The following ANKRD17 variants were observed in gnomAD, a reference collection of about 807,000 sequenced individuals.
The protein encoded by ANKRD17 is ankyrin repeat domain-containing protein 17.
In ANKRD17, 19 loss-of-function variants were observed where a neutral mutation model predicts 229.7. The ratio of observed to expected loss-of-function variants is 0.08; its 90% CI spans 0.06 to 0.12. ANKRD17 has a LOEUF of 0.12. ANKRD17 is among the 10% of genes least tolerant of loss of function. ANKRD17 has a pLI of 1.00. For synonymous variants in ANKRD17, 1,112 were observed against 1,146.1 expected (o/e 0.97, Z 0.60); for missense variants, 2,176 against 3,176.8 (o/e 0.68, Z 7.57).
At chr4:73,124,854 G>GA (rs1727228627) in intron 18 of ANKRD17, 59 bp downstream of exon 18, 3 of 1,567,860 alleles carry the variant, frequency 1.9e-6, no homozygotes, top group Non-Finnish European at 2.6e-6. Context: ...TAATATAAGT[G>GA]AAAGTACACA....
At chr4:73,254,839 C>T (rs1745323432) in intron 1 of ANKRD17, among the ~76,000 whole-genome samples, 1 of 151,572 alleles carries the variant, frequency 6.6e-6, no homozygotes, top group Non-Finnish European at 1.5e-5. Context: ...CAATAGAATG[C>T]AATGTTATTT....
chr4:73,079,885 C>A (rs763125145), intron 30 of ANKRD17, among the ~76,000 whole-genome samples: 4 of 152,110 alleles, frequency 2.6e-5, no homozygotes, highest in Non-Finnish European at 5.9e-5. Context: ...GAGGCCAAGG[C>A]GGGCGGATCA....
intron 1 of ANKRD17, among the ~76,000 whole-genome samples, chr4:73,178,837 G>T (rs1385436696): frequency 1.3e-5 from 2 of 151,784 alleles, no homozygotes; most frequent in African/African-American, 4.8e-5. Context: ...CTTACAAATA[G>T]GTACTAAAAC....
chr4:73,076,333 A>G, intron 33 of ANKRD17, 43 bp from the exon 34 acceptor site: 3 of 1,420,990 alleles, frequency 2.1e-6, no homozygotes, highest in Non-Finnish European at 2.8e-6. Flanking sequence ...TATATCTAGC[A>G]TATATTTTAT....
chr4:73,207,172 T>C (rs1160111412), intron 1 of ANKRD17, among the ~76,000 whole-genome samples: 1 of 152,156 alleles, frequency 6.6e-6, no homozygotes, highest in Non-Finnish European at 1.5e-5. Flanking sequence ...CATAAGTATA[T>C]GAGGTAATAC....
At chr4:73,256,795 ATAAGTC>A (rs1164627997) in intron 1 of ANKRD17, among the ~76,000 whole-genome samples, 1 of 152,230 alleles carries the variant, frequency 6.6e-6, no homozygotes, top group African/African-American at 2.4e-5. Flanking sequence ...GTAGGCCAAT[ATAAGTC>A]TATCAATACA....
intron 1 of ANKRD17, among the ~76,000 whole-genome samples, chr4:73,204,375 A>AAAAAAAAAAAG (rs1553936064): frequency 6.7e-6 from 1 of 150,058 alleles, no homozygotes; most frequent in African/African-American, 2.5e-5. Context: ...AAAAAAAAAA[A>AAAAAAAAAAAG]AAAAGAAAAG....
chr4:73,246,768 T>A (rs1170998663), intron 1 of ANKRD17, among the ~76,000 whole-genome samples: 1 of 152,098 alleles, frequency 6.6e-6, no homozygotes, highest in East Asian at 1.9e-4. Flanking sequence ...AAGGTGGTAT[T>A]ACATGAGGAA....
At chr4:73,109,485 T>C (rs975270599) in intron 24 of ANKRD17, among the ~76,000 whole-genome samples, 3 of 152,086 alleles carry the variant, frequency 2.0e-5, no homozygotes, top group Non-Finnish European at 4.4e-5. Context: ...GTAAAGTCTT[T>C]GCAAGTTTTC....
intron 3 of ANKRD17, among the ~76,000 whole-genome samples, chr4:73,158,132 G>GA (rs1553925318): frequency 3.9e-5 from 2 of 50,834 alleles, no homozygotes; most frequent in South Asian, 7.0e-4. Context: ...AAGAAAGAAG[G>GA]AGAAAGAAAG....
At chr4:73,148,190 A>T (rs946118756) in intron 8 of ANKRD17, among the ~76,000 whole-genome samples, 18 of 152,170 alleles carry the variant, frequency 1.2e-4, no homozygotes, top group African/African-American at 1.7e-4. Flanking sequence ...AGTTTTTTTT[A>T]AAAGTGTCAT....
At position 73,179,518 on chromosome 4, in the gene ANKRD17, A is replaced by ATTTTT. The variant is rs56182757; in HGVS notation, c.394-1990_394-1986dup. ...TATATATATATATATATATATATAT[A>ATTTTT]TTTTTTTTTTTTTTTTTAAAGAGAC... On this transcript the variant is annotated intron_variant, in intron 1 of 33. Coordinates refer to ENST00000358602, the MANE Select transcript of ANKRD17 (RefSeq NM_032217.5). Among the ~76,000 whole-genome samples the ATTTTT allele has an allele frequency of 4.4e-3, 180 of 40,754 alleles. 5 individuals carry two copies. Among genetic ancestry groups the ATTTTT allele is most frequent in the Non-Finnish European group, 5.7e-3 (124 of 21,760 alleles). 26.7% of individuals were successfully genotyped at this position (40,754 alleles called of 152,430 possible).
At chr4:73,247,233 T>A (rs1321004061) in intron 1 of ANKRD17, among the ~76,000 whole-genome samples, 8 of 152,096 alleles carry the variant, frequency 5.3e-5, no homozygotes, top group Non-Finnish European at 8.8e-5. Flanking sequence ...CACCATTTTT[T>A]GTTTAACAGA....
At chr4:73,106,201 G>A (rs1223525862) in intron 24 of ANKRD17, among the ~76,000 whole-genome samples, 2 of 151,904 alleles carry the variant, frequency 1.3e-5, no homozygotes, top group Admixed American at 6.6e-5. Context: ...CCGAGATCGC[G>A]CCACTGCACT....
intron 8 of ANKRD17, among the ~76,000 whole-genome samples, chr4:73,148,567 C>T (rs1730594104): frequency 6.6e-6 from 1 of 152,182 alleles, no homozygotes; most frequent in Non-Finnish European, 1.5e-5. Flanking sequence ...GCCTTGCCAA[C>T]ACCAGTTCTG....
At chr4:73,135,452 A>G (rs911952941) in intron 15 of ANKRD17, among the ~76,000 whole-genome samples, 187 bp from the exon 16 acceptor site, 3 of 152,204 alleles carry the variant, frequency 2.0e-5, no homozygotes, top group African/African-American at 7.2e-5. Context: ...ATGTATACTG[A>G]GTAACTCATT....
intron 10 of ANKRD17, 86 bp from the exon 11 acceptor site, chr4:73,144,918 G>A: frequency 2.4e-6 from 2 of 826,064 alleles, no homozygotes; most frequent in South Asian, 4.5e-5. Flanking sequence ...GAAAATAATT[G>A]GACTGATTTC....
At chr4:73,191,098 T>C (rs1381376030) in intron 1 of ANKRD17, among the ~76,000 whole-genome samples, 6 of 151,912 alleles carry the variant, frequency 3.9e-5, no homozygotes, top group Non-Finnish European at 7.4e-5. Context: ...TACACAAGAA[T>C]TGCCAAAAAA....
intron 25 of ANKRD17, chr4:73,100,754 C>T (rs1723878961): frequency 1.3e-6 from 1 of 752,890 alleles, no homozygotes; most frequent in Non-Finnish European, 1.6e-6. Context: ...AGGTATTTAC[C>T]ATATTAATCC....
Sources: allele counts gnomAD v4.1 joint callset (sites outside exome capture counted in the v4.1 genomes callset), GRCh38; gene constraint gnomAD v4.1.1; transcripts MANE v1.5; gene names NCBI Gene and HGNC (gene_info 2026-07-23, HGNC 2026-07-21).